The following XPR1 variants were observed in gnomAD, a reference collection of about 807,000 sequenced individuals.
The protein encoded by XPR1 is solute carrier family 53 member 1.
Under a neutral mutation model 87.5 loss-of-function variants are expected in XPR1, and 28 were observed. The observed-to-expected ratio is 0.32, with a 90% CI of 0.24 to 0.44. The LOEUF (loss-of-function observed/expected upper bound fraction) is 0.44, where lower values mean the gene tolerates loss of function less well. Ranked by LOEUF, XPR1 falls within the 20% of genes least tolerant of loss-of-function variation. The pLI is 1.00. For synonymous variants in XPR1, 300 were observed against 306.1 expected, an observed-to-expected ratio of 0.98 and a Z score of 0.21; for missense variants, 559 against 862.3, an observed-to-expected ratio of 0.65 and a Z score of 4.41.
At chr1:180,877,094 A>C (rs1652689042) in intron 13 of XPR1, among the ~76,000 whole-genome samples, 1 of 152,220 alleles carries the variant, frequency 6.6e-6, no homozygotes, top group Non-Finnish European at 1.5e-5. Flanking sequence ...AAACCATATC[A>C]TTTTGAATAG....
chr1:180,722,531 G>A (rs1241900672), intron 2 of XPR1, among the ~76,000 whole-genome samples: 1 of 152,186 alleles, frequency 6.6e-6, no homozygotes, highest in Non-Finnish European at 1.5e-5. Context: ...ATATTGGCCT[G>A]TGGTGTAAAA....
At chr1:180,742,656 A>G (rs1658959424) in intron 2 of XPR1, among the ~76,000 whole-genome samples, 1 of 152,016 alleles carries the variant, frequency 6.6e-6, no homozygotes, top group Non-Finnish European at 1.5e-5. Flanking sequence ...CACTTGGTTA[A>G]TTGATGTTCA....
intron 9 of XPR1, among the ~76,000 whole-genome samples, chr1:180,827,362 T>A (rs1415317181): frequency 6.6e-6 from 1 of 152,144 alleles, no homozygotes; most frequent in Non-Finnish European, 1.5e-5. Flanking sequence ...GTAATTACAG[T>A]AACAGGATAA....
rs908452364 is a variant in XPR1 at position 180,727,962 on chromosome 1, A to G, written c.121+45551A>G. On this transcript the variant is annotated intron_variant, in intron 2 of 14. Transcript: ENST00000367590. ...TTTACTGCAACCTGTTTTATCAGCA[A>G]GGTCTTTATGCCAGTATCTTGTGTC... 5.3e-5 allele frequency among the ~76,000 whole-genome samples: 8 copies of G among 152,238 alleles called. No individual in the cohort carries two copies. In the East Asian group the frequency reaches 1.2e-3, roughly 22 times the overall value.
chr1:180,669,602 T>A (rs1292361507), intron 1 of XPR1, among the ~76,000 whole-genome samples: 1 of 152,142 alleles, frequency 6.6e-6, no homozygotes, highest in Non-Finnish European at 1.5e-5. Flanking sequence ...CCTCAGGTGA[T>A]CTGCCTGGCT....
chr1:180,720,237 G>A (rs970479741), intron 2 of XPR1, among the ~76,000 whole-genome samples: 1 of 152,132 alleles, frequency 6.6e-6, no homozygotes, highest in African/African-American at 2.4e-5. Flanking sequence ...TTAAACCAAG[G>A]CAGAGTGCCT....
chr1:180,746,315 T>C (rs1430895383), intron 2 of XPR1, among the ~76,000 whole-genome samples: 1 of 152,196 alleles, frequency 6.6e-6, no homozygotes, highest in African/African-American at 2.4e-5. Context: ...TATACCATTC[T>C]GTATGCCTTT....
At chr1:180,826,472 A>G (rs531858271) in intron 9 of XPR1, among the ~76,000 whole-genome samples, 150 of 152,220 alleles carry the variant, frequency 9.9e-4, no homozygotes, top group African/African-American at 3.0e-3. Context: ...TGCTTGAGCC[A>G]GGAACGTCAA....
intron 1 of XPR1, among the ~76,000 whole-genome samples, chr1:180,660,493 T>C (rs1168780750): frequency 6.6e-6 from 1 of 152,174 alleles, no homozygotes; most frequent in African/African-American, 2.4e-5. Flanking sequence ...AGCTATAAAC[T>C]TTCCTCTTAG....
chr1:180,697,829 T>G (rs1196731600), intron 2 of XPR1, among the ~76,000 whole-genome samples: 5 of 152,188 alleles, frequency 3.3e-5, no homozygotes, highest in Middle Eastern at 3.2e-3. Context: ...TTATTTTGAT[T>G]TTTTAAAAAT....
intron 2 of XPR1, among the ~76,000 whole-genome samples, chr1:180,765,770 T>C (rs1037859408): frequency 6.6e-6 from 1 of 152,138 alleles, no homozygotes; most frequent in Non-Finnish European, 1.5e-5. Context: ...TGCAGTTGGT[T>C]GAATCTGAGG....
chr1:180,653,179 C>G (rs1263408068), intron 1 of XPR1, among the ~76,000 whole-genome samples: 2 of 152,114 alleles, frequency 1.3e-5, no homozygotes, highest in Non-Finnish European at 2.9e-5. Context: ...GTTATTTGTA[C>G]AATATTCTGA....
chr1:180,769,554 G>C (rs1648425597), intron 2 of XPR1, among the ~76,000 whole-genome samples: 1 of 150,178 alleles, frequency 6.7e-6, no homozygotes, highest in Non-Finnish European at 1.5e-5. Context: ...TCTGTGCCTG[G>C]CTTATTTTGT....
At chr1:180,774,915 C>T (rs1648654414) in intron 2 of XPR1, among the ~76,000 whole-genome samples, 1 of 152,202 alleles carries the variant, frequency 6.6e-6, no homozygotes, top group African/African-American at 2.4e-5. Flanking sequence ...CTGATAAAGG[C>T]TTGCCTTCTG....
chr1:180,764,742 T>A (rs997818744), intron 2 of XPR1, among the ~76,000 whole-genome samples: 1 of 151,790 alleles, frequency 6.6e-6, no homozygotes, highest in African/African-American at 2.4e-5. Context: ...AGTGCTGGGA[T>A]TACAGGTATG....
rs765512507 is a variant in XPR1, at chr1:180,883,988, C to T, written c.2031-18C>T. 10 of 1,610,124 alleles carry T rather than the reference C, an allele frequency of 6.2e-6. No individual in the cohort carries two copies. The African/African-American group carries it at 9.4e-5, about 15-fold the overall frequency. ...GGGTAATGGACTAAGTGCTTTTTGT[C>T]CCCCTTGTTACCACTAGATCCAAGG... is the stretch of plus-strand genomic sequence containing the variant. On this transcript the variant is annotated intron_variant, in intron 14 of 14. Transcript: ENST00000367590.
At chr1:180,703,055 G>A in intron 2 of XPR1, among the ~76,000 whole-genome samples, 1 of 152,168 alleles carries the variant, frequency 6.6e-6, no homozygotes, top group Non-Finnish European at 1.5e-5. Context: ...TTTAATTAGT[G>A]TCAGTGGTAT....
chr1:180,853,791 GTT>G lies in XPR1; in HGVS notation c.1502-9899_1502-9898del, dbSNP rs374408714. 9.0e-3 allele frequency among the ~76,000 whole-genome samples: 989 copies of G among 109,400 alleles called. 8 individuals carry two copies. Among genetic ancestry groups the G allele is most frequent in the African/African-American group, 0.024 (694 of 28,952 alleles). 71.8% of individuals were successfully genotyped at this position (109,400 alleles called of 152,430 possible). A position where few individuals can be genotyped will look rare whatever the true frequency, so the allele number is the denominator to read the frequency against. On this transcript the variant is annotated intron_variant, in intron 11 of 14. Transcript: ENST00000367590. ...GCACAAATAATAGTGCATTCATGTGGTTTTTTTTTTTTTTTTTTTGTATTTTG... is the reference window on the plus strand; with the variant it reads ...GCACAAATAATAGTGCATTCATGTGGTTTTTTTTTTTTTTTTTGTATTTTG...
At chr1:180,647,414 T>C (rs1342365885) in intron 1 of XPR1, among the ~76,000 whole-genome samples, 1 of 152,258 alleles carries the variant, frequency 6.6e-6, no homozygotes, top group East Asian at 1.9e-4. Flanking sequence ...AGTTGTATTA[T>C]AATCTTATGA....
Sources: allele counts gnomAD v4.1 joint callset (sites outside exome capture counted in the v4.1 genomes callset), GRCh38; gene constraint gnomAD v4.1.1; transcripts MANE v1.5; gene names NCBI Gene and HGNC (gene_info 2026-07-23, HGNC 2026-07-21).